PTK7: variants seen among roughly 807,000 people sequenced by gnomAD.
PTK7 encodes the protein protein tyrosine kinase 7 (inactive), also known as inactive tyrosine-protein kinase 7.
PTK7 carries 39 observed loss-of-function variants against 116.6 expected under a neutral mutation model. That is an observed-to-expected ratio of 0.33 (90% confidence interval 0.26 to 0.44). The LOEUF (loss-of-function observed/expected upper bound fraction) is 0.44, where lower values mean the gene tolerates loss of function less well. Ranked by LOEUF, PTK7 falls within the 20% of genes least tolerant of loss-of-function variation. PTK7 has a pLI of 1.00. For synonymous variants in PTK7, 546 were observed against 563.6 expected (o/e 0.97, Z 0.44); for missense variants, 1,169 against 1,425.6 (o/e 0.82, Z 2.90).
At chr6:43,083,416 G>C (rs1236312779) in intron 1 of PTK7, among the ~76,000 whole-genome samples, 2 of 152,232 alleles carry the variant, frequency 1.3e-5, no homozygotes, top group East Asian at 3.8e-4. Context: ...ATTGTAGCTG[G>C]TTAGAGTCCT....
intron 7 of PTK7, chr6:43,138,578 C>CT: frequency 3.4e-6 from 1 of 293,576 alleles, no homozygotes; most frequent in Non-Finnish European, 6.3e-6. Flanking sequence ...GGAAAAATCA[C>CT]TTGAGCCTAT....
chr6:43,131,271 G>A (rs1459185386), intron 5 of PTK7, among the ~76,000 whole-genome samples: 1 of 152,166 alleles, frequency 6.6e-6, no homozygotes, highest in Non-Finnish European at 1.5e-5. Context: ...TCAGTAGCCT[G>A]CCTGGTATGG....
intron 1 of PTK7, among the ~76,000 whole-genome samples, chr6:43,117,196 G>C (rs1026937445): frequency 7.9e-5 from 12 of 152,138 alleles, no homozygotes; most frequent in African/African-American, 2.9e-4. Context: ...TTCTCCCCCA[G>C]AAAAGCCCAA....
chr6:43,132,757 G>T (rs1386295076), intron 7 of PTK7, 70 bp downstream of exon 7: 2 of 1,545,296 alleles, frequency 1.3e-6, no homozygotes, highest in East Asian at 4.9e-5. Flanking sequence ...ATGGACAGAG[G>T]CTTCCCTGGT....
chr6:43,148,016 G>T (rs1435162567), intron 17 of PTK7, among the ~76,000 whole-genome samples: 1 of 152,144 alleles, frequency 6.6e-6, no homozygotes, highest in East Asian at 1.9e-4. Flanking sequence ...GCGGTGGGAG[G>T]CTAAGGCAGG....
chr6:43,159,527 A>T lies in PTK7; in HGVS notation c.2874-261A>T. 3 of 540,198 alleles carry T rather than the reference A, an allele frequency of 5.6e-6. No homozygotes were observed. The South Asian group carries it at 6.2e-5, about 11-fold the overall frequency. 33.5% of individuals were successfully genotyped at this position (540,198 alleles called of 1,614,324 possible). Reference sequence around the variant, plus strand: ...ACAACCAATATAGAAAGTATGTATGACTATTAACTTTTCTGTTAACATTTA... The same window carrying T: ...ACAACCAATATAGAAAGTATGTATGTCTATTAACTTTTCTGTTAACATTTA... On this transcript the variant is annotated intron_variant, in intron 18 of 19. Transcript: ENST00000230419.
chr6:43,148,213 A>G (rs1770834989), intron 17 of PTK7, among the ~76,000 whole-genome samples: 1 of 150,922 alleles, frequency 6.6e-6, no homozygotes, highest in African/African-American at 2.4e-5. Flanking sequence ...TGATTACACC[A>G]CTGCACTCCA....
At chr6:43,086,213 A>G (rs1447023973) in intron 1 of PTK7, among the ~76,000 whole-genome samples, 2 of 152,068 alleles carry the variant, frequency 1.3e-5, no homozygotes, top group Admixed American at 6.6e-5. Context: ...ATGATACCCA[A>G]GGGAGGGGTT....
At chr6:43,115,326 A>C (rs1226871021) in intron 1 of PTK7, among the ~76,000 whole-genome samples, 7 of 152,160 alleles carry the variant, frequency 4.6e-5, no homozygotes, top group Non-Finnish European at 7.3e-5. Flanking sequence ...ATATAAACTT[A>C]TTAGGAAGTT....
chr6:43,118,108 T>C, intron 1 of PTK7, among the ~76,000 whole-genome samples: 1 of 121,820 alleles, frequency 8.2e-6, no homozygotes, highest in African/African-American at 3.8e-5. Flanking sequence ...GGGCCTTTTT[T>C]TTTTTTTTTT....
intron 1 of PTK7, among the ~76,000 whole-genome samples, chr6:43,128,289 C>A (rs1769420211): frequency 6.6e-6 from 1 of 152,208 alleles, no homozygotes; most frequent in Non-Finnish European, 1.5e-5. Flanking sequence ...CCCAGACTCT[C>A]TTTTGCTAGG....
chr6:43,154,021 T>C (rs1440550481), intron 17 of PTK7, among the ~76,000 whole-genome samples: 1 of 151,886 alleles, frequency 6.6e-6, no homozygotes, highest in African/African-American at 2.4e-5. Context: ...AAATTAGCCG[T>C]GCATGGTGGT....
At chr6:43,100,165 C>T (rs1767487046) in intron 1 of PTK7, among the ~76,000 whole-genome samples, 1 of 152,016 alleles carries the variant, frequency 6.6e-6, no homozygotes, top group Admixed American at 6.6e-5. Context: ...GGGCGGATCA[C>T]GAGGTCAAGA....
At chr6:43,127,651 C>T (rs1447501776) in intron 1 of PTK7, among the ~76,000 whole-genome samples, 4 of 151,720 alleles carry the variant, frequency 2.6e-5, no homozygotes, top group South Asian at 2.1e-4. Flanking sequence ...GACATGGGGC[C>T]GGGTGCGGTG....
intron 1 of PTK7, among the ~76,000 whole-genome samples, chr6:43,118,196 T>A (rs1768673814): frequency 6.7e-6 from 1 of 149,256 alleles, no homozygotes; most frequent in East Asian, 2.0e-4. Flanking sequence ...GCACTGGAAG[T>A]GTGGCTAGTG....
At chr6:43,160,054 C>G in intron 19 of PTK7, 88 bp downstream of exon 19, 3 of 1,372,238 alleles carry the variant, frequency 2.2e-6, no homozygotes, top group Non-Finnish European at 3.0e-6. Flanking sequence ...GCCTACCTCC[C>G]TCTCAGGGCT....
At chr6:43,154,895 G>T (rs976681514) in intron 17 of PTK7, among the ~76,000 whole-genome samples, 1 of 152,224 alleles carries the variant, frequency 6.6e-6, no homozygotes, top group African/African-American at 2.4e-5. Context: ...TCAGAGAGGC[G>T]GCTGCAGTGG....
intron 17 of PTK7, among the ~76,000 whole-genome samples, chr6:43,152,734 T>TTATG (rs1771193942): frequency 9.0e-5 from 13 of 144,060 alleles, no homozygotes; most frequent in Non-Finnish European, 1.5e-5. Context: ...TTTTATTTTA[T>TTATG]TTATGTTATG....
intron 7 of PTK7, among the ~76,000 whole-genome samples, chr6:43,136,661 C>T (rs979988117): frequency 6.6e-6 from 1 of 152,154 alleles, no homozygotes; most frequent in East Asian, 1.9e-4. Flanking sequence ...CCACTGTGTT[C>T]TGTTGGACAA....
Sources: allele counts gnomAD v4.1 joint callset (sites outside exome capture counted in the v4.1 genomes callset), GRCh38; gene constraint gnomAD v4.1.1; transcripts MANE v1.5; gene names NCBI Gene and HGNC (gene_info 2026-07-23, HGNC 2026-07-21).